The following SSU72L6 variants were observed in gnomAD, a reference collection of about 807,000 sequenced individuals.
SSU72L6 encodes the protein SSU72 like 6, also known as RNA polymerase II subunit A C-terminal domain phosphatase SSU72 like protein 6.
chr7:124,477,490 C>T, the SSU72L6 span, among the ~76,000 whole-genome samples: 3 of 151,130 alleles, frequency 2.0e-5, no homozygotes, highest in Non-Finnish European at 4.4e-5. Flanking sequence ...ATGTTTGAAC[C>T]AATAAATGTT....
the SSU72L6 span, among the ~76,000 whole-genome samples, chr7:124,477,454 C>T: frequency 2.7e-5 from 4 of 150,764 alleles, no homozygotes; most frequent in Non-Finnish European, 5.9e-5. Context: ...AAATGTTGTT[C>T]TTCTTTAATA....
chr7:124,476,862 G>A, the SSU72L6 span: 1 of 766,678 alleles, frequency 1.3e-6, no homozygotes, highest in South Asian at 1.3e-5. Context: ...GCCTGCAGCA[G>A]TCCGACGACA....
At chr7:124,477,196 A>G in the SSU72L6 span, among the ~76,000 whole-genome samples, 3 of 152,198 alleles carry the variant, frequency 2.0e-5, no homozygotes, top group Non-Finnish European at 2.9e-5. Context: ...ACATACAATA[A>G]CTAATTTAAT....
the SSU72L6 span, chr7:124,476,575 C>T: frequency 3.8e-6 from 3 of 780,666 alleles, no homozygotes; most frequent in Middle Eastern, 2.3e-4. Context: ...CAATGACCTC[C>T]TCAGGAAAGA....
chr7:124,476,578 A>G, the SSU72L6 span: 1 of 780,714 alleles, frequency 1.3e-6, no homozygotes, highest in Non-Finnish European at 2.4e-6. Flanking sequence ...TGACCTCCTC[A>G]GGAAAGATAG....
chr7:124,477,045 C>G, the SSU72L6 span: 3 of 616,836 alleles, frequency 4.9e-6, no homozygotes, highest in East Asian at 8.2e-5. Context: ...CTACAAAGAC[C>G]TTCCACTGAG....
chr7:124,477,657 A>G, the SSU72L6 span, among the ~76,000 whole-genome samples: 1 of 151,616 alleles, frequency 6.6e-6, no homozygotes, highest in East Asian at 1.9e-4. Context: ...AAAAAAAAAA[A>G]AAAGAAAGAA....
At chr7:124,477,247 C>A in the SSU72L6 span, among the ~76,000 whole-genome samples, 22 of 152,292 alleles carry the variant, frequency 1.4e-4, no homozygotes, top group Non-Finnish European at 2.4e-4. Context: ...ACCATGACTG[C>A]ATTTTCCGGA....
chr7:124,477,103 C>A, the SSU72L6 span: 3 of 589,208 alleles, frequency 5.1e-6, no homozygotes, highest in East Asian at 2.8e-5. Flanking sequence ...GAGACTATTA[C>A]CAAGAAAATA....
chr7:124,476,455 A>G, the SSU72L6 span: 1 of 780,280 alleles, frequency 1.3e-6, no homozygotes, highest in Non-Finnish European at 2.4e-6. Context: ...CCTCAGGAGA[A>G]AAGGGCTAAG....
At chr7:124,476,999 C>A in the SSU72L6 span, 4 of 673,094 alleles carry the variant, frequency 5.9e-6, no homozygotes, top group Non-Finnish European at 8.0e-6. Flanking sequence ...AGAACTTAGG[C>A]ATGGGACTTT....
the SSU72L6 span, chr7:124,476,949 C>T: frequency 1.3e-6 from 1 of 751,314 alleles, no homozygotes; most frequent in South Asian, 1.4e-5. Flanking sequence ...CCGTCTGCTT[C>T]TACTGAAGAT....
At chr7:124,477,085 C>A in the SSU72L6 span, 1 of 594,190 alleles carries the variant, frequency 1.7e-6, no homozygotes. Flanking sequence ...GTACATATCA[C>A]CTGGAAAGAG....
At chr7:124,477,581 T>C in the SSU72L6 span, among the ~76,000 whole-genome samples, 1 of 151,494 alleles carries the variant, frequency 6.6e-6, no homozygotes, top group African/African-American at 2.4e-5. Flanking sequence ...TACATATTAT[T>C]GTAAAATTTG....
At chr7:124,477,316 C>T in the SSU72L6 span, among the ~76,000 whole-genome samples, 1 of 151,922 alleles carries the variant, frequency 6.6e-6, no homozygotes, top group African/African-American at 2.4e-5. Flanking sequence ...GGGTATTCAG[C>T]AGATAAATAA....
the SSU72L6 span, chr7:124,476,370 C>T: frequency 1.2e-4 from 94 of 773,404 alleles, no homozygotes; most frequent in South Asian, 4.3e-4. Context: ...TGGCCACCAT[C>T]ATGCTCTCCT....
the SSU72L6 span, chr7:124,476,574 C>T: frequency 9.0e-6 from 7 of 780,584 alleles, no homozygotes; most frequent in Non-Finnish European, 1.7e-5. Flanking sequence ...ACAATGACCT[C>T]CTCAGGAAAG....
the SSU72L6 span, chr7:124,476,474 C>G: frequency 2.6e-6 from 2 of 780,612 alleles, no homozygotes; most frequent in Admixed American, 1.7e-5. Flanking sequence ...AGTGTCCGGT[C>G]TTTCGGAACT....
Sources: gnomAD v4.1 joint callset for allele counts (sites outside exome capture counted in the v4.1 genomes callset) on GRCh38, gnomAD v4.1.1 for gene constraint, MANE v1.5 for transcripts, NCBI Gene and HGNC (gene_info 2026-07-23, HGNC 2026-07-21) for gene names.